Variants in DNAH17 observed in about 807,000 individuals in gnomAD.
DNAH17 encodes axonemal beta dynein heavy chain 17.
DNAH17 carries 376 observed loss-of-function variants against 485.6 expected under a neutral mutation model. The ratio of observed to expected loss-of-function variants is 0.77; its 90% CI spans 0.71 to 0.84. DNAH17 has a LOEUF of 0.84. Among genes scored for constraint, DNAH17 ranks in the 40% least tolerant of loss-of-function variants. The pLI, the probability that DNAH17 is intolerant of heterozygous loss-of-function variation, is 0.00. For synonymous variants in DNAH17, 3,031 were observed against 2,405.9 expected (o/e 1.26, Z -7.60); for missense variants, 6,370 against 5,839.3 (o/e 1.09, Z -2.96).
At chr17:78,567,365 G>T (rs527781931) in intron 9 of DNAH17, among the ~76,000 whole-genome samples, 199 bp from the exon 10 acceptor site, 1 of 152,050 alleles carries the variant, frequency 6.6e-6, no homozygotes, top group Non-Finnish European at 1.5e-5. Flanking sequence ...AGAAAGAGGG[G>T]ATGGAAGGAA....
chr17:78,509,764 G>T (rs369337165), intron 27 of DNAH17, among the ~76,000 whole-genome samples: 1 of 151,982 alleles, frequency 6.6e-6, no homozygotes, highest in African/African-American at 2.4e-5. Flanking sequence ...GGAGTCAGAC[G>T]GGACCACAGA....
At position 78,501,246 on chromosome 17, in the gene DNAH17, G is replaced by C; in HGVS notation, c.5421C>G (p.Ile1807Met). 1.9e-6 allele frequency: 3 copies of C among 1,608,774 alleles called. No individual in the cohort carries two copies. Among genetic ancestry groups the C allele is most frequent in the Non-Finnish European group, 2.6e-6 (3 of 1,175,664 alleles). The change falls in exon 35 of 81, where the codon ATC becomes ATG. Residue 1807 changes from isoleucine (I) to methionine (M), a missense_variant. Coordinates refer to ENST00000389840, the MANE Select transcript of DNAH17 (RefSeq NM_173628.4). ...HCFANICDAQIQYSYEYLGNT... is the reference protein window; with the variant it reads ...HCFANICDAQMQYSYEYLGNT... ...TGCCCAGATACTCATAGGAATACTG[G>C]ATTTGGGCATCGCAGATGTTGGCAA...
intron 1 of DNAH17, among the ~76,000 whole-genome samples, chr17:78,576,366 CTG>C (rs1369222007): frequency 3.3e-5 from 5 of 152,114 alleles, no homozygotes; most frequent in Non-Finnish European, 5.9e-5. Context: ...CCAAACATCT[CTG>C]AGAGAGGACT....
Position 78,445,596 on chromosome 17 carries a change from C to A in DNAH17, c.11296G>T (p.Val3766Leu). ...CAGCCTTGATGCTGGAGGAAGTCCACTGGTGAGACCACTCCGGCCTTAAAA... is the reference window on the plus strand; with the variant it reads ...CAGCCTTGATGCTGGAGGAAGTCCAATGGTGAGACCACTCCGGCCTTAAAA... ...FPFKAGVVSP[V>L]DFLQHQGWGG... Residue 3766 changes from valine (V) to leucine (L), a missense_variant, in exon 70 of 81, where the codon GTG becomes TTG. Coordinates refer to ENST00000389840, the MANE Select transcript of DNAH17 (RefSeq NM_173628.4). 6.4e-7 allele frequency: 1 copy of A among 1,564,170 alleles called. No homozygotes were observed. The highest frequency in any genetic ancestry group is 8.7e-7 in the Non-Finnish European group (1 of 1,153,920).
chr17:78,543,136 A>C (rs997995882), intron 17 of DNAH17, among the ~76,000 whole-genome samples: 45 of 146,244 alleles, frequency 3.1e-4, no homozygotes, highest in African/African-American at 1.0e-3. Flanking sequence ...TTTTGTTTTG[A>C]GATAGTCTCA....
chr17:78,473,543 C>CAA (rs758795883), intron 54 of DNAH17, among the ~76,000 whole-genome samples: 1,560 of 54,656 alleles, frequency 0.029, 140 homozygotes, highest in African/African-American at 0.086. Context: ...GACTCTGTCT[C>CAA]AAAAAAAAAA....
chr17:78,426,316 T>C, intron 79 of DNAH17, 141 bp downstream of exon 79: 2 of 1,087,556 alleles, frequency 1.8e-6, no homozygotes, highest in Non-Finnish European at 2.5e-6. Flanking sequence ...GGCTAGGCCC[T>C]TCTGGCCCTG....
rs548988418 is a variant in DNAH17, at chr17:78,561,773, G to A, written c.1777C>T (p.Leu593=). ...PPVAGQLKWS[L]ELQERLEVSM... is the part of the protein sequence containing the mutation. ...ACCTCTAGCCTCTCCTGCAGCTCCA[G>A]GCTCCATTTGAGCTGCCCGGCCACG... is the stretch of plus-strand genomic sequence containing the variant. The change falls in exon 12 of 81, where the codon CTG becomes TTG. Residue 593 remains leucine (L), a synonymous_variant. Coordinates refer to ENST00000389840, the MANE Select transcript of DNAH17 (RefSeq NM_173628.4). 229 of 1,613,330 alleles carry A rather than the reference G, an allele frequency of 1.4e-4. 2 individuals carry two copies. The East Asian group carries it at 4.7e-3, about 33-fold the overall frequency.
Position 78,499,020 on chromosome 17 carries a change from C to G in DNAH17, c.5733G>C (p.Val1911=), listed in dbSNP as rs2090177288. 3 of 1,609,406 alleles carry G rather than the reference C, an allele frequency of 1.9e-6. No homozygotes were observed. ...CAGGGGACTTTACCTGCACGGCAAT[C>G]ACAGACAAGACTTCCACTGAGATGC... is the stretch of plus-strand genomic sequence containing the variant. The part of the protein sequence containing the change: ...FNRISVEVLS[V]IAVQVKCVQD... Residue 1911 remains valine (V), a synonymous_variant, in exon 37 of 81, where the codon GTG becomes GTC. Transcript: ENST00000389840.
chr17:78,426,393 G>A (rs778573610), intron 79 of DNAH17, 64 bp downstream of exon 79: 14 of 1,490,780 alleles, frequency 9.4e-6, no homozygotes, highest in South Asian at 6.8e-5. Flanking sequence ...GGTGTGGGGT[G>A]TGCCGAGCTC....
rs766659825 is a variant in DNAH17, at chr17:78,526,927, G to A, written c.3577C>T (p.Gln1193Ter). The change falls in exon 23 of 81, where the codon CAG becomes TAG. Residue 1193 changes from glutamine (Q) to a stop codon, truncating the protein, a stop_gained. Coordinates refer to ENST00000389840, the MANE Select transcript of DNAH17 (RefSeq NM_173628.4). LOFTEE classifies it high-confidence loss of function. ...IQVKLTVAPL[Q>*]ANEVSILRRK... ...CGCAGGATGCTGACCTCGTTGGCCT[G>A]GAGTGGTGCCACGGTCAGCTTCACC... The A allele has an allele frequency of 3.4e-5, 54 of 1,587,720 alleles. No individual in the cohort carries two copies. The highest frequency in any genetic ancestry group is 4.3e-5 in the Non-Finnish European group (50 of 1,166,856).
chr17:78,482,291 G>A (rs951127514), intron 48 of DNAH17, among the ~76,000 whole-genome samples: 1 of 151,972 alleles, frequency 6.6e-6, no homozygotes, highest in African/African-American at 2.4e-5. Flanking sequence ...CTCCTAAAGT[G>A]TTGAGATTAC....
intron 71 of DNAH17, among the ~76,000 whole-genome samples, chr17:78,441,812 T>C (rs879618047): frequency 2.0e-5 from 3 of 152,146 alleles, no homozygotes; most frequent in Non-Finnish European, 4.4e-5. Flanking sequence ...CTTGCCAGTG[T>C]GGTGGCTCAT....
chr17:78,454,737 G>C, intron 63 of DNAH17, 32 bp from the exon 64 acceptor site: 2 of 1,563,720 alleles, frequency 1.3e-6, no homozygotes, highest in South Asian at 2.2e-5. Flanking sequence ...CTTAGAGGGG[G>C]TAATGCGACC....
Position 78,451,862 on chromosome 17 carries a change from T to C in DNAH17, c.10530-189A>G, listed in dbSNP as rs1441932197. 2.0e-5 allele frequency among the ~76,000 whole-genome samples: 3 copies of C among 152,102 alleles called. No individual in the cohort carries two copies. In the South Asian group the frequency reaches 6.2e-4, roughly 32 times the overall value. On this transcript the variant is annotated intron_variant, in intron 65 of 80. Transcript: ENST00000389840. ...CCCTGGCCTGTGACGTGGGCCCTTC[T>C]GGGAGATGCACCTGCTCTTTCCTTG... is the stretch of plus-strand genomic sequence containing the variant.
chr17:78,441,422 C>T (rs1044769145), intron 71 of DNAH17, among the ~76,000 whole-genome samples: 4 of 152,164 alleles, frequency 2.6e-5, no homozygotes, highest in African/African-American at 9.7e-5. Context: ...GGGCCCCGCA[C>T]TGTGCTCCTC....
chr17:78,428,558 C>G lies in DNAH17; in HGVS notation c.12555G>C (p.Ser4185=), dbSNP rs374711864. The change falls in exon 77 of 81, where the codon TCG becomes TCC. Residue 4185 remains serine, a synonymous_variant. Coordinates refer to ENST00000389840, the MANE Select transcript of DNAH17 (RefSeq NM_173628.4). The part of the protein sequence containing the change: ...VLEMQPKETD[S]GAGTGVSREE... ...CGCGGGACACTCCCGTGCCTGCCCC[C>G]GAGTCCGTCTCTTTTGGCTGCATTT... is the stretch of plus-strand genomic sequence containing the variant. 4.3e-6 allele frequency: 7 copies of G among 1,612,806 alleles called. No homozygotes were observed. The highest frequency in any genetic ancestry group is 2.7e-5 in the African/African-American group (2 of 75,004).
intron 80 of DNAH17, chr17:78,424,560 TA>T: frequency 6.2e-6 from 1 of 160,286 alleles, no homozygotes; most frequent in Non-Finnish European, 1.3e-5. Flanking sequence ...TGCATATAAA[TA>T]TTGCCTTTAA....
chr17:78,437,760 G>A lies in DNAH17; in HGVS notation c.11914C>T (p.Pro3972Ser). 1 of 1,612,506 alleles carries A rather than the reference G, an allele frequency of 6.2e-7. No homozygotes were observed. The highest frequency in any genetic ancestry group is 8.5e-7 in the Non-Finnish European group (1 of 1,179,744). ...GGGATGATGTGGGTCTCGGGGCTGG[G>A]GGCAGGCTCCGCGCTGATGAACACC... ...YRVFISAEPA[P>S]SPETHIIPQG... Residue 3972 changes from proline (P) to serine (S), a missense_variant, in exon 74 of 81, where the codon CCC becomes TCC. Pro to Ser is a moderately conservative substitution (Grantham distance 74, BLOSUM62 -1). Coordinates refer to ENST00000389840, the MANE Select transcript of DNAH17 (RefSeq NM_173628.4).
Sources: gnomAD v4.1 joint callset for allele counts (sites outside exome capture counted in the v4.1 genomes callset) on GRCh38, gnomAD v4.1.1 for gene constraint, MANE v1.5 for transcripts, NCBI Gene and HGNC (gene_info 2026-07-23, HGNC 2026-07-21) for gene names.